The following ERICH1 variants were observed in gnomAD, a reference collection of about 807,000 sequenced individuals.
ERICH1 encodes the protein glutamate rich 1, also known as glutamate-rich protein 1.
ERICH1 carries 56 observed loss-of-function variants against 39.6 expected under a neutral mutation model. The observed-to-expected ratio is 1.41, with a 90% CI of 1.14 to 1.77. ERICH1 has a LOEUF of 1.77. Among genes scored for constraint, ERICH1 ranks in the 40% most tolerant of loss-of-function variants. ERICH1 has a pLI of 0.00. For synonymous variants in ERICH1, 313 were observed against 223.6 expected (o/e 1.40, Z -3.57); for missense variants, 826 against 575.4 (o/e 1.44, Z -4.45).
At position 664,426 on chromosome 8, in the gene ERICH1, C is replaced by G; in HGVS notation, c.*177G>C. 8.0e-7 allele frequency: 1 copy of G among 1,244,320 alleles called. No homozygotes were observed. The highest frequency in any genetic ancestry group is 1.0e-6 in the Non-Finnish European group (1 of 993,470). 77.1% of individuals were successfully genotyped at this position (1,244,320 alleles called of 1,614,324 possible). On this transcript the variant is annotated 3_prime_UTR_variant, in exon 6 of 6. Coordinates refer to ENST00000262109, the MANE Select transcript of ERICH1 (RefSeq NM_207332.3). Reference sequence around the variant, plus strand: ...AATAAGTGAAAAATTTCCATTTTACCCCAATTTCTCATCTGAAGCCTCAGA... The same window carrying G: ...AATAAGTGAAAAATTTCCATTTTACGCCAATTTCTCATCTGAAGCCTCAGA...
intron 3 of ERICH1, among the ~76,000 whole-genome samples, chr8:621,567 A>G (rs1420332676): frequency 6.6e-6 from 1 of 151,850 alleles, no homozygotes; most frequent in Non-Finnish European, 1.5e-5. Flanking sequence ...CAAACTAAAA[A>G]CCAGCAGAAG....
chr8:725,283 T>C, intron 1 of ERICH1: 1 of 159,320 alleles, frequency 6.3e-6, no homozygotes, highest in Non-Finnish European at 1.4e-5. Flanking sequence ...CCGTGTCTAC[T>C]GCACCCAGCG....
intron 3 of ERICH1, among the ~76,000 whole-genome samples, chr8:678,320 G>T (rs1035363898): frequency 6.6e-6 from 1 of 152,132 alleles, no homozygotes; most frequent in Non-Finnish European, 1.5e-5. Flanking sequence ...GTGCCGATAC[G>T]TCTTGTTGGT....
chr8:621,968 A>C (rs140989765), intron 3 of ERICH1, among the ~76,000 whole-genome samples: 1,820 of 152,340 alleles, frequency 0.012, 31 homozygotes, highest in African/African-American at 0.041. Context: ...TAATCCCAGC[A>C]CGTTGGGAGG....
chr8:670,761 G>A (rs374232088), intron 4 of ERICH1, among the ~76,000 whole-genome samples: 3 of 152,216 alleles, frequency 2.0e-5, no homozygotes, highest in Non-Finnish European at 2.9e-5. Context: ...TGAGTCCACC[G>A]GCCCCAGCTC....
chr8:642,421 T>C (rs1799108107), intron 3 of ERICH1, among the ~76,000 whole-genome samples: 1 of 137,560 alleles, frequency 7.3e-6, no homozygotes, highest in Non-Finnish European at 1.5e-5. Flanking sequence ...CTCGGCTCAC[T>C]GCAAGCTCCT....
chr8:619,844 A>C (rs1797170342), intron 3 of ERICH1, among the ~76,000 whole-genome samples: 1 of 152,222 alleles, frequency 6.6e-6, no homozygotes, highest in African/African-American at 2.4e-5. Context: ...GGCTAGTATA[A>C]ATCTAAAATA....
At chr8:618,812 G>C (rs1797099283) in intron 3 of ERICH1, among the ~76,000 whole-genome samples, 2 of 152,134 alleles carry the variant, frequency 1.3e-5, no homozygotes, top group Admixed American at 6.5e-5. Context: ...CGCCACTTGA[G>C]ACAAGGTCCC....
In ERICH1 at chr8:692,543, G is replaced by C. The variant is rs775732252; in HGVS notation, c.239C>G (p.Pro80Arg). 26 of 1,613,822 alleles carry C rather than the reference G, an allele frequency of 1.6e-5. No individual in the cohort carries two copies. Among genetic ancestry groups the C allele is most frequent in the Non-Finnish European group, 2.2e-5 (26 of 1,179,938 alleles). Reference protein sequence around the residue: ...TASGPPEGYVPCWPEPSSCGS... With the variant: ...TASGPPEGYVRCWPEPSSCGS... ...ACAGCTGCTGGGCTCCGGCCAACAGGGGACGTAGCCCTCAGGAGGCCCGCT... is the reference window on the plus strand; with the variant it reads ...ACAGCTGCTGGGCTCCGGCCAACAGCGGACGTAGCCCTCAGGAGGCCCGCT... The change falls in exon 3 of 6, where the codon CCC becomes CGC. Residue 80 changes from proline (P) to arginine (R), a missense_variant. Pro to Arg is a moderately radical substitution (Grantham distance 103, BLOSUM62 -2). Coordinates refer to ENST00000262109, the MANE Select transcript of ERICH1 (RefSeq NM_207332.3).
chr8:702,076 CAAAAAAAAAAAA>C (rs60476920), intron 2 of ERICH1, among the ~76,000 whole-genome samples: 2 of 88,152 alleles, frequency 2.3e-5, no homozygotes, highest in South Asian at 8.7e-4. Flanking sequence ...GACTACATCT[CAAAAAAAAAAAA>C]AAAAAAAAAA....
At chr8:725,031 G>A (rs985233046) in intron 1 of ERICH1, among the ~76,000 whole-genome samples, 4 of 152,192 alleles carry the variant, frequency 2.6e-5, no homozygotes. Flanking sequence ...ACGCAGTGAT[G>A]CCTGCTCACC....
intron 3 of ERICH1, among the ~76,000 whole-genome samples, chr8:638,835 C>T (rs961793456): frequency 1.3e-5 from 2 of 152,142 alleles, no homozygotes; most frequent in South Asian, 2.1e-4. Context: ...GAGAGCAAGG[C>T]CACGGCAGTC....
intron 4 of ERICH1, among the ~76,000 whole-genome samples, chr8:670,642 T>C (rs1259835548): frequency 6.6e-6 from 1 of 152,206 alleles, no homozygotes; most frequent in African/African-American, 2.4e-5. Flanking sequence ...GAGGCTCCTA[T>C]GTTATTCGGA....
At chr8:668,532 C>A in intron 5 of ERICH1, 66 bp downstream of exon 5, 1 of 1,581,932 alleles carries the variant, frequency 6.3e-7, no homozygotes, top group African/African-American at 1.3e-5. Context: ...GCGTGTAAGT[C>A]TTTCAGAGGC....
intron 3 of ERICH1, 118 bp from the exon 4 acceptor site, chr8:674,165 A>G (rs1804122426): frequency 1.7e-6 from 2 of 1,192,850 alleles, no homozygotes; most frequent in African/African-American, 1.5e-5. Flanking sequence ...AGTTTACACT[A>G]TTTACTTCGG....
intron 2 of ERICH1, among the ~76,000 whole-genome samples, chr8:711,331 A>G (rs567689489): frequency 2.5e-4 from 38 of 152,122 alleles, no homozygotes; most frequent in Non-Finnish European, 4.7e-4. Context: ...TTTAATTTTA[A>G]TGATGTCCAG....
intron 1 of ERICH1, among the ~76,000 whole-genome samples, chr8:720,263 G>C (rs1223430747): frequency 6.6e-6 from 1 of 152,156 alleles, no homozygotes; most frequent in Non-Finnish European, 1.5e-5. Context: ...CCACGAGGAA[G>C]GACGAGGAAA....
rs557372880 is a variant in ERICH1, at chr8:692,632, T to A, written c.170-20A>T. 3.2e-5 allele frequency: 50 copies of A among 1,556,978 alleles called. No homozygotes were observed. The South Asian group carries it at 5.2e-4, about 16-fold the overall frequency. On this transcript the variant is annotated intron_variant, in intron 2 of 5. Transcript: ENST00000262109. ...CAGTGTCTGCAACACAGGAGGAAAA[T>A]AACAGGAACTGGTAAATATCACAAA...
Position 674,044 on chromosome 8 carries a change from T to G in ERICH1, c.308A>C (p.Gln103Pro). 1 of 1,538,812 alleles carries G rather than the reference T, an allele frequency of 6.5e-7. No homozygotes were observed. Among genetic ancestry groups the G allele is most frequent in the Non-Finnish European group, 8.6e-7 (1 of 1,156,856 alleles). The change falls in exon 4 of 6, where the codon CAG becomes CCG. Residue 103 changes from glutamine (Q) to proline (P), a missense_variant. Transcript: ENST00000262109. Reference sequence around the variant, plus strand: ...TCTCTTTGGCTGGTCATGAGGATCCTGATCTGTTAAAAAAATTCAAATATA... The same window carrying G: ...TCTCTTTGGCTGGTCATGAGGATCCGGATCTGTTAAAAAAATTCAAATATA... ...NASSGDDTED[Q>P]DPHDQPKRRR...
Sources: allele counts gnomAD v4.1 joint callset (sites outside exome capture counted in the v4.1 genomes callset), GRCh38; gene constraint gnomAD v4.1.1; transcripts MANE v1.5; gene names NCBI Gene and HGNC (gene_info 2026-07-23, HGNC 2026-07-21).